The following TRNP1 variants were observed in gnomAD, a reference collection of about 807,000 sequenced individuals.
The protein encoded by TRNP1 is TMF-regulated nuclear protein 1.
Under a neutral mutation model 12.2 loss-of-function variants are expected in TRNP1, and 16 were observed. The observed-to-expected ratio is 1.31, with a 90% CI of 0.89 to 1.99. TRNP1 has a LOEUF of 1.99. Ranked by LOEUF, TRNP1 falls within the 30% of genes most tolerant of loss-of-function variation. TRNP1 has a pLI of 0.00. For synonymous variants in TRNP1, 139 were observed against 166.2 expected, an observed-to-expected ratio of 0.84 and a Z score of 1.26; for missense variants, 338 against 330.4, an observed-to-expected ratio of 1.02 and a Z score of -0.18.
chr1:26,994,077 G>A lies in TRNP1; in HGVS notation c.291G>A (p.Gly97=), dbSNP rs1214519979. 4 of 1,216,824 alleles carry A rather than the reference G, an allele frequency of 3.3e-6. No homozygotes were observed. The highest frequency in any genetic ancestry group is 4.4e-5 in the Admixed American group (1 of 22,826). 75.4% of individuals were successfully genotyped at this position (1,216,824 alleles called of 1,614,324 possible). A position where few individuals can be genotyped will look rare whatever the true frequency, so the allele number is the denominator to read the frequency against. ...GGGSGAAAGA[G]GRALELAEAR... ...GCTCTGGCGCGGCTGCGGGGGCGGG[G>A]GGCCGCGCGCTGGAGCTGGCCGAAG... The change falls in exon 1 of 2, where the codon GGG becomes GGA. Residue 97 remains glycine (G), a synonymous_variant. Transcript: ENST00000522111. The surrounding 1 kb of genome is among the most constrained non-coding windows in gnomAD (Gnocchi z 6.9).
Position 26,994,131 on chromosome 1 carries a change from C to A in TRNP1, c.345C>A (p.Gly115=). Reference sequence around the variant, plus strand: ...GGCGGCGGCTGCTGGAGGTGGAGGGCCGCCGGCGCCTGGTGTCGGAGCTGG... The same window carrying A: ...GGCGGCGGCTGCTGGAGGTGGAGGGACGCCGGCGCCTGGTGTCGGAGCTGG... ...EARRRLLEVE[G]RRRLVSELES... The change falls in exon 1 of 2, where the codon GGC becomes GGA. Residue 115 remains glycine, a synonymous_variant. Coordinates refer to ENST00000522111, the MANE Select transcript of TRNP1 (RefSeq NM_001013642.3). The surrounding 1 kb of genome is among the most constrained non-coding windows in gnomAD (Gnocchi z 6.9). 8.1e-7 allele frequency: 1 copy of A among 1,238,128 alleles called. No homozygotes were observed. The allele number at this position is 1,238,128 out of a possible 1,614,324, so 76.7% of individuals were successfully genotyped here. A position where few individuals can be genotyped will look rare whatever the true frequency, so the allele number is the denominator to read the frequency against.
Position 26,994,821 on chromosome 1 carries a change from G to A in TRNP1, c.*142+209G>A, listed in dbSNP as rs1368063653. Among the ~76,000 whole-genome samples the A allele has an allele frequency of 6.6e-6, 1 of 152,180 alleles. No homozygotes were observed. Among genetic ancestry groups the A allele is most frequent in the Non-Finnish European group, 1.5e-5 (1 of 68,030 alleles). ...TTATAAGAGTTGGACTCTTGAGGGG[G>A]CTCAGATCCCAGGAACGGGTTGGCG... On this transcript the variant is annotated intron_variant, in intron 1 of 1. Transcript: ENST00000522111. This position sits in a 1 kb window ranked among gnomAD's most constrained non-coding sequence, Gnocchi z 6.9.
Position 26,994,351 on chromosome 1 carries a change from C to G in TRNP1, c.565C>G (p.Leu189Val). ...ACCCCCCGCGCTGCTGGCCTCGGCG[C>G]TGGGCCTGGGCGGCTGCGTGCCCTG... ...GRPPALLASALGLGGCVPWGA... is the reference protein window; with the variant it reads ...GRPPALLASAVGLGGCVPWGA... Residue 189 changes from leucine to valine, a missense_variant, in exon 1 of 2, where the codon CTG (leucine) becomes GTG (valine). Leu to Val is a conservative substitution (Grantham distance 32). Coordinates refer to ENST00000522111, the MANE Select transcript of TRNP1 (RefSeq NM_001013642.3). The surrounding 1 kb of genome is among the most constrained non-coding windows in gnomAD (Gnocchi z 6.9). 9.2e-7 allele frequency: 1 copy of G among 1,085,680 alleles called. No homozygotes were observed. The highest frequency in any genetic ancestry group is 1.1e-6 in the Non-Finnish European group (1 of 896,198). The allele number at this position is 1,085,680 out of a possible 1,614,324, so 67.3% of individuals were successfully genotyped here. A position where few individuals can be genotyped will look rare whatever the true frequency, so the allele number is the denominator to read the frequency against.
In TRNP1 at chr1:26,993,724, G is replaced by T. The variant is rs990782205; in HGVS notation, c.-63G>T. The T allele has an allele frequency of 1.9e-5, 24 of 1,251,738 alleles. No homozygotes were observed. The highest frequency in any genetic ancestry group is 2.4e-5 in the Non-Finnish European group (24 of 998,410). 77.5% of individuals were successfully genotyped at this position (1,251,738 alleles called of 1,614,324 possible). A position where few individuals can be genotyped will look rare whatever the true frequency, so the allele number is the denominator to read the frequency against. ...GGGCTGTGGCCGTGTCTAGCTGTTC[G>T]GGTGTGCTGTGGTCATCCTCCCTGC... On this transcript the variant is annotated 5_prime_UTR_variant, in exon 1 of 2. Coordinates refer to ENST00000522111, the MANE Select transcript of TRNP1 (RefSeq NM_001013642.3).
At chr1:26,999,011 A>C (rs1383645640) in intron 1 of TRNP1, among the ~76,000 whole-genome samples, 1 of 152,140 alleles carries the variant, frequency 6.6e-6, no homozygotes, top group African/African-American at 2.4e-5. Flanking sequence ...GAGATGCTGG[A>C]GGGGTGGCAG....
At chr1:26,995,444 C>A (rs1225029450) in intron 1 of TRNP1, among the ~76,000 whole-genome samples, 1 of 152,160 alleles carries the variant, frequency 6.6e-6, no homozygotes, top group Non-Finnish European at 1.5e-5. Context: ...CTTCAGTCTC[C>A]CATTCCTCTG....
chr1:26,996,963 A>G (rs2082548014), intron 1 of TRNP1, among the ~76,000 whole-genome samples: 1 of 152,058 alleles, frequency 6.6e-6, no homozygotes, highest in Non-Finnish European at 1.5e-5. Flanking sequence ...TGCTATGTCC[A>G]TTACCACATA....
Position 26,994,647 on chromosome 1 carries a change from G to A in TRNP1, c.*142+35G>A. On this transcript the variant is annotated intron_variant, in intron 1 of 1. Coordinates refer to ENST00000522111, the MANE Select transcript of TRNP1 (RefSeq NM_001013642.3). The surrounding 1 kb of genome is among the most constrained non-coding windows in gnomAD (Gnocchi z 6.9). The stretch of plus-strand genomic sequence containing the variant: ...TAGCGGCTGGTGCGTTCGAGGGTCG[G>A]TCATGGCGTGTGGGGGGCTGGTCCA... 3.0e-6 allele frequency: 1 copy of A among 329,774 alleles called. No individual in the cohort carries two copies. The highest frequency in any genetic ancestry group is 4.7e-6 in the Non-Finnish European group (1 of 213,732). The allele number at this position is 329,774 out of a possible 1,614,324, so 20.4% of individuals were successfully genotyped here.
chr1:26,994,227 C>A lies in TRNP1; in HGVS notation c.441C>A (p.Ser147Arg). The A allele has an allele frequency of 2.4e-6, 3 of 1,249,496 alleles. No individual in the cohort carries two copies. The highest frequency in any genetic ancestry group is 2.5e-5 in the South Asian group (1 of 39,390). 77.4% of individuals were successfully genotyped at this position (1,249,496 alleles called of 1,614,324 possible). A position where few individuals can be genotyped will look rare whatever the true frequency, so the allele number is the denominator to read the frequency against. Residue 147 changes from serine (S) to arginine (R), a missense_variant, in exon 1 of 2, where the codon AGC becomes AGA. Coordinates refer to ENST00000522111, the MANE Select transcript of TRNP1 (RefSeq NM_001013642.3). The surrounding 1 kb of genome is among the most constrained non-coding windows in gnomAD (Gnocchi z 6.9). ...AELRLAHRAE[S>R]LSRLSGGVAQ... ...TGCGCCTGGCGCACCGCGCGGAGAGCCTGAGCCGCCTGAGCGGCGGCGTGG... is the reference window on the plus strand; with the variant it reads ...TGCGCCTGGCGCACCGCGCGGAGAGACTGAGCCGCCTGAGCGGCGGCGTGG...
chr1:27,000,644 A>G lies in TRNP1; in HGVS notation c.*940A>G, dbSNP rs1321229727. The G allele has an allele frequency of 6.6e-6, 1 of 152,600 alleles. No individual in the cohort carries two copies. The highest frequency in any genetic ancestry group is 2.4e-5 in the African/African-American group (1 of 41,448). 9.5% of individuals were successfully genotyped at this position (152,600 alleles called of 1,614,324 possible). A position where few individuals can be genotyped will look rare whatever the true frequency, so the allele number is the denominator to read the frequency against. On this transcript the variant is annotated 3_prime_UTR_variant, in exon 2 of 2. Coordinates refer to ENST00000522111, the MANE Select transcript of TRNP1 (RefSeq NM_001013642.3). ...ACATTCAGGAGGAATAAATTTCCAT[A>G]ATGTAAGGCAAATGCATGGGGTTCT...
chr1:26,996,962 C>G (rs1272428587), intron 1 of TRNP1, among the ~76,000 whole-genome samples: 1 of 152,092 alleles, frequency 6.6e-6, no homozygotes, highest in Non-Finnish European at 1.5e-5. Context: ...GTGCTATGTC[C>G]ATTACCACAT....
intron 1 of TRNP1, among the ~76,000 whole-genome samples, chr1:26,997,277 C>G (rs894402806): frequency 6.8e-6 from 1 of 147,742 alleles, no homozygotes; most frequent in African/African-American, 2.5e-5. Flanking sequence ...GGAGGTTGCA[C>G]CGCACTCCAG....
At chr1:26,998,720 A>G (rs1162364896) in intron 1 of TRNP1, among the ~76,000 whole-genome samples, 1 of 152,184 alleles carries the variant, frequency 6.6e-6, no homozygotes, top group South Asian at 2.1e-4. Context: ...CCTCTATGCC[A>G]GGCCCCTGAG....
intron 1 of TRNP1, among the ~76,000 whole-genome samples, chr1:26,997,289 C>G (rs1303130279): frequency 1.5e-5 from 2 of 130,094 alleles, no homozygotes; most frequent in Non-Finnish European, 3.1e-5. Flanking sequence ...GCACTCCAGC[C>G]TGGGCAACAG....
At chr1:26,996,561 A>G (rs748177276) in intron 1 of TRNP1, among the ~76,000 whole-genome samples, 2 of 152,190 alleles carry the variant, frequency 1.3e-5, no homozygotes, top group Non-Finnish European at 2.9e-5. Flanking sequence ...TAGAGAGGAC[A>G]GGACATCTTG....
In TRNP1 at chr1:26,993,744, C is replaced by T; in HGVS notation, c.-43C>T. ...TGTTCGGGTGTGCTGTGGTCATCCT[C>T]CCTGCGCACCTACAGCCGCAGACCG... On this transcript the variant is annotated 5_prime_UTR_variant, in exon 1 of 2. Coordinates refer to ENST00000522111, the MANE Select transcript of TRNP1 (RefSeq NM_001013642.3). 2 of 1,283,892 alleles carry T rather than the reference C, an allele frequency of 1.6e-6. No individual in the cohort carries two copies. Among genetic ancestry groups the T allele is most frequent in the South Asian group, 2.4e-5 (1 of 41,038 alleles). The allele number at this position is 1,283,892 out of a possible 1,614,324, so 79.5% of individuals were successfully genotyped here.
chr1:26,997,968 A>G (rs2082553512), intron 1 of TRNP1, among the ~76,000 whole-genome samples: 1 of 152,150 alleles, frequency 6.6e-6, no homozygotes, highest in South Asian at 2.1e-4. Context: ...CGAGCAGGGT[A>G]GTCGCGGTCA....
chr1:26,993,783 G>T lies in TRNP1; in HGVS notation c.-4G>T. 4.6e-6 allele frequency: 6 copies of T among 1,314,438 alleles called. No homozygotes were observed. Among genetic ancestry groups the T allele is most frequent in the Non-Finnish European group, 5.8e-6 (6 of 1,033,690 alleles). The allele number at this position is 1,314,438 out of a possible 1,614,324, so 81.4% of individuals were successfully genotyped here. On this transcript the variant is annotated 5_prime_UTR_variant, in exon 1 of 2. Transcript: ENST00000522111. ...AGCCGCAGACCGCCGGTGGGGGGCG[G>T]GGGATGCCGGGCTGCCGCATCAGCG...
rs1209263627 is a variant in TRNP1, at chr1:26,994,135, C to T, written c.349C>T (p.Arg117Trp). Residue 117 changes from arginine (R) to tryptophan (W), a missense_variant, in exon 1 of 2, where the codon CGG (arginine) becomes TGG (tryptophan). By Grantham distance (101) the Arg-to-Trp change is moderately radical. Coordinates refer to ENST00000522111, the MANE Select transcript of TRNP1 (RefSeq NM_001013642.3). The surrounding 1 kb of genome is among the most constrained non-coding windows in gnomAD (Gnocchi z 6.9). ...RRRLLEVEGR[R>W]RLVSELESRV... is the part of the protein sequence containing the mutation. ...GCGGCTGCTGGAGGTGGAGGGCCGC[C>T]GGCGCCTGGTGTCGGAGCTGGAGAG... The T allele has an allele frequency of 4.0e-6, 5 of 1,244,094 alleles. No homozygotes were observed. Among genetic ancestry groups the T allele is most frequent in the Non-Finnish European group, 3.0e-6 (3 of 992,148 alleles). 77.1% of individuals were successfully genotyped at this position (1,244,094 alleles called of 1,614,324 possible).
Sources: allele counts gnomAD v4.1 joint callset (sites outside exome capture counted in the v4.1 genomes callset), GRCh38; gene constraint gnomAD v4.1.1; non-coding constraint Gnocchi (gnomAD v3.1); transcripts MANE v1.5; gene names NCBI Gene and HGNC (gene_info 2026-07-23, HGNC 2026-07-21).